PDE1A: variants seen among roughly 807,000 people sequenced by gnomAD.
The protein encoded by PDE1A is dual specificity calcium/calmodulin-dependent 3',5'-cyclic nucleotide phosphodiesterase 1A.
PDE1A carries 35 observed loss-of-function variants against 61.7 expected under a neutral mutation model. The observed-to-expected ratio is 0.57, with a 90% CI of 0.43 to 0.75. PDE1A has a LOEUF of 0.75. PDE1A is among the 30% of genes least tolerant of loss of function. The pLI, the probability that PDE1A is intolerant of heterozygous loss-of-function variation, is 0.00. For synonymous variants in PDE1A, 232 were observed against 213.2 expected (o/e 1.09, Z -0.77); for missense variants, 597 against 630.6 (o/e 0.95, Z 0.57).
chr2:182,322,031 C>T (rs1032014158), intron 1 of PDE1A, among the ~76,000 whole-genome samples: 6 of 152,158 alleles, frequency 3.9e-5, no homozygotes, highest in Non-Finnish European at 8.8e-5. Context: ...TGTCCCTAAT[C>T]GTTGGAAATA....
At chr2:182,565,773 G>A in the PDE1A span, among the ~76,000 whole-genome samples, 1 of 152,024 alleles carries the variant, frequency 6.6e-6, no homozygotes, top group Non-Finnish European at 1.5e-5. Context: ...CAATCCACTT[G>A]AATTTCCAGT....
upstream of PDE1A, among the ~76,000 whole-genome samples, chr2:182,525,955 CAT>C (rs1283607982): frequency 2.0e-5 from 3 of 151,884 alleles, no homozygotes. Flanking sequence ...AAATCAGAAA[CAT>C]AGCAATGGAA....
intron 1 of PDE1A, among the ~76,000 whole-genome samples, chr2:182,415,811 G>A (rs933324282): frequency 6.6e-6 from 1 of 152,044 alleles, no homozygotes; most frequent in African/African-American, 2.4e-5. Context: ...AAGGAAACTT[G>A]CATGGAAATC....
At chr2:182,403,598 C>CAAAAAAA (rs548993514) in intron 1 of PDE1A, among the ~76,000 whole-genome samples, 44 of 77,622 alleles carry the variant, frequency 5.7e-4, no homozygotes, top group Non-Finnish European at 9.5e-4. Context: ...GACTCCGTCT[C>CAAAAAAA]AAAAAAAAAA....
intron 2 of PDE1A, among the ~76,000 whole-genome samples, chr2:182,467,668 T>A (rs1686761251): frequency 6.6e-6 from 1 of 151,902 alleles, no homozygotes; most frequent in Non-Finnish European, 1.5e-5. Flanking sequence ...GCAAATCAAA[T>A]TGAGCATTAT....
At chr2:182,676,320 T>C in the PDE1A span, among the ~76,000 whole-genome samples, 2 of 152,002 alleles carry the variant, frequency 1.3e-5, no homozygotes, top group East Asian at 1.9e-4. Context: ...CTAGGTGAGA[T>C]GGATAGATTT....
intron 2 of PDE1A, among the ~76,000 whole-genome samples, chr2:182,478,529 G>C (rs187534116): frequency 1.8e-4 from 28 of 151,838 alleles, no homozygotes; most frequent in Admixed American, 5.9e-4. Flanking sequence ...TTATTTCAGG[G>C]GCACCTTCAT....
At chr2:182,448,003 A>T (rs771425420) in intron 2 of PDE1A, among the ~76,000 whole-genome samples, 2 of 151,980 alleles carry the variant, frequency 1.3e-5, no homozygotes, top group South Asian at 2.1e-4. Context: ...CTCCTTAACT[A>T]TGTGATCTTG....
chr2:182,250,565 TAA>T lies in PDE1A; in HGVS notation c.168-10275_168-10274del, dbSNP rs887175757. ...CCAATTTATCTCAATAGCTTTTTTTTAAAAAAAAGTTTCCTGATAGATTTGTT... is the reference window on the plus strand; with the variant it reads ...CCAATTTATCTCAATAGCTTTTTTTTAAAAAAGTTTCCTGATAGATTTGTT... On this transcript the variant is annotated intron_variant, in intron 2 of 13. Transcript: ENST00000351439. 4.6e-5 allele frequency among the ~76,000 whole-genome samples: 7 copies of T among 151,958 alleles called. No homozygotes were observed. In the East Asian group the frequency reaches 1.3e-3, roughly 29 times the overall value.
At chr2:182,394,462 C>A (rs541244510) in intron 1 of PDE1A, among the ~76,000 whole-genome samples, 1 of 152,070 alleles carries the variant, frequency 6.6e-6, no homozygotes, top group Non-Finnish European at 1.5e-5. Flanking sequence ...ATGGGAGCTA[C>A]AATTCAAGAT....
intron 2 of PDE1A, among the ~76,000 whole-genome samples, chr2:182,440,185 C>T (rs192264765): frequency 6.6e-6 from 1 of 152,178 alleles, no homozygotes; most frequent in East Asian, 1.9e-4. Context: ...AAGTTCAAAT[C>T]TCAAACTGAA....
At chr2:182,680,278 C>G in the PDE1A span, among the ~76,000 whole-genome samples, 1 of 150,890 alleles carries the variant, frequency 6.6e-6, no homozygotes, top group Admixed American at 6.6e-5. Context: ...CAGTGGCATG[C>G]TTACAGCTCA....
At chr2:182,257,873 G>T (rs1691936085) in intron 2 of PDE1A, among the ~76,000 whole-genome samples, 1 of 152,104 alleles carries the variant, frequency 6.6e-6, no homozygotes, top group Admixed American at 6.5e-5. Flanking sequence ...GTAGATTTTT[G>T]AAAGCATCTA....
intron 1 of PDE1A, among the ~76,000 whole-genome samples, chr2:182,379,191 C>A (rs1700586749): frequency 6.6e-6 from 1 of 152,168 alleles, no homozygotes; most frequent in South Asian, 2.1e-4. Context: ...CTACTTAAAT[C>A]TTTGCTTCAT....
intron 1 of PDE1A, among the ~76,000 whole-genome samples, chr2:182,313,264 A>T (rs998979539): frequency 6.6e-6 from 1 of 152,100 alleles, no homozygotes; most frequent in African/African-American, 2.4e-5. Flanking sequence ...AAACATAAAA[A>T]TTAGCCAGGT....
At chr2:182,143,670 T>C (rs903218885), downstream of PDE1A, among the ~76,000 whole-genome samples, 4 of 152,088 alleles carry the variant, frequency 2.6e-5, no homozygotes, top group African/African-American at 9.6e-5. Flanking sequence ...CGCCCGCCAC[T>C]ACGCCCGGCT....
At chr2:182,647,598 G>T in the PDE1A span, among the ~76,000 whole-genome samples, 3 of 152,182 alleles carry the variant, frequency 2.0e-5, no homozygotes, top group Non-Finnish European at 2.9e-5. Context: ...ATAAAATGGA[G>T]TCACTTAGGA....
the PDE1A span, among the ~76,000 whole-genome samples, chr2:182,701,226 G>A: frequency 1.1e-4 from 17 of 151,656 alleles, no homozygotes; most frequent in Non-Finnish European, 2.1e-4. Context: ...TAGTAAAGAC[G>A]GGGTTTCACC....
At chr2:182,412,954 C>A (rs1453544443) in intron 1 of PDE1A, among the ~76,000 whole-genome samples, 1 of 152,116 alleles carries the variant, frequency 6.6e-6, no homozygotes, top group East Asian at 1.9e-4. Context: ...AATCAGGGAG[C>A]CCTTCATAAA....
Sources: allele counts gnomAD v4.1 joint callset (sites outside exome capture counted in the v4.1 genomes callset), GRCh38; gene constraint gnomAD v4.1.1; transcripts MANE v1.5; gene names NCBI Gene and HGNC (gene_info 2026-07-23, HGNC 2026-07-21).